Variants in PABPC4L observed in about 807,000 individuals in gnomAD.
PABPC4L encodes poly(A) binding protein cytoplasmic 4 like.
For missense variants in PABPC4L, 452 were observed against 451.4 expected, an observed-to-expected ratio of 1.00 and a Z score of -0.01; for synonymous variants, 169 against 164.1, an observed-to-expected ratio of 1.03 and a Z score of -0.23.
the PABPC4L span, among the ~76,000 whole-genome samples, chr4:134,180,182 A>C: frequency 6.6e-6 from 1 of 152,124 alleles, no homozygotes; most frequent in African/African-American, 2.4e-5. Context: ...AAACAAAATC[A>C]TACCAACCAG....
chr4:134,089,658 G>A, the PABPC4L span, among the ~76,000 whole-genome samples: 1 of 151,960 alleles, frequency 6.6e-6, no homozygotes, highest in East Asian at 1.9e-4. Context: ...ATACACAAAT[G>A]CACTTATACA....
chr4:134,162,868 C>G, the PABPC4L span, among the ~76,000 whole-genome samples: 1 of 151,958 alleles, frequency 6.6e-6, no homozygotes, highest in Admixed American at 6.6e-5. Flanking sequence ...AAAAGCAATG[C>G]TAAGAGGAAC....
the PABPC4L span, among the ~76,000 whole-genome samples, chr4:134,176,550 G>A: frequency 1.3e-5 from 2 of 152,054 alleles, no homozygotes. Flanking sequence ...TTAGGGTGAG[G>A]CCAAGATGGC....
the PABPC4L span, among the ~76,000 whole-genome samples, chr4:134,083,166 G>A: frequency 6.6e-6 from 1 of 152,104 alleles, no homozygotes. Context: ...AAATTAACAT[G>A]CCTGCCTTTC....
the PABPC4L span, among the ~76,000 whole-genome samples, chr4:134,013,135 C>G: frequency 6.6e-6 from 1 of 151,950 alleles, no homozygotes; most frequent in Non-Finnish European, 1.5e-5. Flanking sequence ...TGTGTCTCTA[C>G]CCCTTCTCCG....
chr4:134,035,633 T>G, the PABPC4L span, among the ~76,000 whole-genome samples: 3 of 151,956 alleles, frequency 2.0e-5, no homozygotes, highest in South Asian at 6.2e-4. Context: ...ATCAATAAAG[T>G]AAGAAGATTT....
chr4:134,134,310 A>G, the PABPC4L span, among the ~76,000 whole-genome samples: 2 of 152,024 alleles, frequency 1.3e-5, no homozygotes, highest in Non-Finnish European at 2.9e-5. Flanking sequence ...AAACAGTAAA[A>G]CAAATGTATC....
the PABPC4L span, among the ~76,000 whole-genome samples, chr4:134,158,893 A>G: frequency 6.6e-6 from 1 of 152,188 alleles, no homozygotes; most frequent in Non-Finnish European, 1.5e-5. Flanking sequence ...TATATGATAT[A>G]GCCTATTGCT....
the PABPC4L span, among the ~76,000 whole-genome samples, chr4:133,961,571 C>T: frequency 6.6e-6 from 1 of 152,134 alleles, no homozygotes; most frequent in African/African-American, 2.4e-5. Context: ...AGGATATAAA[C>T]CCCGGCACTT....
chr4:134,037,603 A>G, the PABPC4L span, among the ~76,000 whole-genome samples: 2 of 152,136 alleles, frequency 1.3e-5, no homozygotes, highest in Non-Finnish European at 2.9e-5. Flanking sequence ...AAAGTGAGCA[A>G]AAGAATAGGA....
chr4:133,981,736 C>T, the PABPC4L span, among the ~76,000 whole-genome samples: 4 of 151,842 alleles, frequency 2.6e-5, no homozygotes, highest in African/African-American at 4.8e-5. Flanking sequence ...AACACTAATG[C>T]CATTGAGAAG....
At chr4:133,960,975 T>C in the PABPC4L span, among the ~76,000 whole-genome samples, 1 of 151,996 alleles carries the variant, frequency 6.6e-6, no homozygotes, top group African/African-American at 2.4e-5. Context: ...TCTTTCCCTA[T>C]CCATCCTGGT....
chr4:133,999,964 G>A, the PABPC4L span, among the ~76,000 whole-genome samples: 1 of 151,868 alleles, frequency 6.6e-6, no homozygotes, highest in Non-Finnish European at 1.5e-5. Context: ...GTACTTTTAA[G>A]TTTAAGTGCA....
At chr4:134,058,743 A>G in the PABPC4L span, among the ~76,000 whole-genome samples, 1 of 152,122 alleles carries the variant, frequency 6.6e-6, no homozygotes, top group Non-Finnish European at 1.5e-5. Flanking sequence ...TCAGATAAAT[A>G]TATTGAGAAA....
the PABPC4L span, among the ~76,000 whole-genome samples, chr4:133,975,671 C>T: frequency 1.3e-5 from 2 of 152,120 alleles, no homozygotes; most frequent in East Asian, 3.9e-4. Context: ...CCTCCTAACC[C>T]CCATTATAAC....
At chr4:134,149,588 T>A in the PABPC4L span, among the ~76,000 whole-genome samples, 1 of 152,132 alleles carries the variant, frequency 6.6e-6, no homozygotes, top group Non-Finnish European at 1.5e-5. Flanking sequence ...AAAAAGACAT[T>A]TCTTGGGTTA....
chr4:134,199,357 G>T lies in PABPC4L; in HGVS notation c.*550C>A, dbSNP rs1249589335. 2 of 152,054 alleles carry T rather than the reference G, an allele frequency of 1.3e-5. No homozygotes were observed. Among genetic ancestry groups the T allele is most frequent in the Non-Finnish European group, 2.9e-5 (2 of 67,964 alleles). 9.4% of individuals were successfully genotyped at this position (152,054 alleles called of 1,614,324 possible). A position where few individuals can be genotyped will look rare whatever the true frequency, so the allele number is the denominator to read the frequency against. ...AGCATGTCAGGATATAAATTTAAAA[G>T]AAATTCAACTATATCTGACTATTTT... On this transcript the variant is annotated 3_prime_UTR_variant, in exon 2 of 2. Transcript: ENST00000421491.
chr4:134,153,749 C>T, the PABPC4L span, among the ~76,000 whole-genome samples: 1 of 150,308 alleles, frequency 6.7e-6, no homozygotes, highest in African/African-American at 2.5e-5. Context: ...CTAGCTCAAG[C>T]AATACTCTTG....
At chr4:134,086,649 G>T in the PABPC4L span, among the ~76,000 whole-genome samples, 19 of 151,324 alleles carry the variant, frequency 1.3e-4, no homozygotes, top group Non-Finnish European at 1.9e-4. Flanking sequence ...CCACCCTCCC[G>T]CTCCACCGTC....
Sources: gnomAD v4.1 joint callset for allele counts (sites outside exome capture counted in the v4.1 genomes callset) on GRCh38, gnomAD v4.1.1 for gene constraint, MANE v1.5 for transcripts, NCBI Gene and HGNC (gene_info 2026-07-23, HGNC 2026-07-21) for gene names.